RNF150: variants seen among roughly 807,000 people sequenced by gnomAD.
RNF150 encodes the protein ring finger protein 150.
In RNF150, 24 loss-of-function variants were observed where a neutral mutation model predicts 39.3. The ratio of observed to expected loss-of-function variants is 0.61; its 90% CI spans 0.44 to 0.86. RNF150 has a LOEUF of 0.86. Ranked by LOEUF, RNF150 falls within the 40% of genes least tolerant of loss-of-function variation. The pLI is 0.00. For missense variants in RNF150, 502 were observed against 587.8 expected (o/e 0.85, Z 1.51); for synonymous variants, 255 against 227.3 (o/e 1.12, Z -1.10).
intron 1 of RNF150, among the ~76,000 whole-genome samples, chr4:141,186,646 C>G (rs1728018245): frequency 6.6e-6 from 1 of 151,982 alleles, no homozygotes; most frequent in South Asian, 2.1e-4. Context: ...ACCTAGTGAT[C>G]CACCTGCCTC....
intron 1 of RNF150, among the ~76,000 whole-genome samples, chr4:141,004,283 A>G (rs945756722): frequency 1.2e-4 from 19 of 152,082 alleles, no homozygotes; most frequent in African/African-American, 4.1e-4. Flanking sequence ...TGAGACAACT[A>G]ACAAGAAGGA....
intron 1 of RNF150, among the ~76,000 whole-genome samples, chr4:141,099,837 G>A (rs922002318): frequency 2.7e-4 from 41 of 151,700 alleles, no homozygotes; most frequent in Admixed American, 1.4e-3. Context: ...ATACAGTATT[G>A]AGCCATACAG....
intron 1 of RNF150, among the ~76,000 whole-genome samples, chr4:141,207,339 T>A (rs1318606335): frequency 6.6e-6 from 1 of 152,090 alleles, no homozygotes; most frequent in African/African-American, 2.4e-5. Flanking sequence ...TCTCTCTGGC[T>A]GGAATTAGAG....
chr4:140,993,778 C>G (rs1303972713), intron 1 of RNF150, among the ~76,000 whole-genome samples: 1 of 152,190 alleles, frequency 6.6e-6, no homozygotes, highest in Non-Finnish European at 1.5e-5. Context: ...TTTCCCCTCA[C>G]TCTACCTTCA....
At chr4:141,104,279 C>T (rs185879193) in intron 1 of RNF150, among the ~76,000 whole-genome samples, 2 of 152,282 alleles carry the variant, frequency 1.3e-5, no homozygotes, top group African/African-American at 4.8e-5. Context: ...ATCCCTACAT[C>T]GTGGGTGTCA....
intron 1 of RNF150, among the ~76,000 whole-genome samples, chr4:141,130,128 A>G (rs1486544236): frequency 6.6e-6 from 1 of 152,248 alleles, no homozygotes; most frequent in African/African-American, 2.4e-5. Flanking sequence ...AAAGCTTTCA[A>G]GATCTGGACT....
chr4:140,970,952 T>C (rs1733440681), intron 1 of RNF150, among the ~76,000 whole-genome samples: 1 of 152,102 alleles, frequency 6.6e-6, no homozygotes. Context: ...TGGTGAAAAG[T>C]GATACTAGGG....
intron 1 of RNF150, among the ~76,000 whole-genome samples, chr4:140,986,457 T>C (rs1478915059): frequency 6.6e-6 from 1 of 152,074 alleles, no homozygotes; most frequent in African/African-American, 2.4e-5. Context: ...TAAAATAAAC[T>C]TTCCATCATT....
At chr4:140,966,931 G>T (rs1055691664) in intron 2 of RNF150, among the ~76,000 whole-genome samples, 1 of 152,172 alleles carries the variant, frequency 6.6e-6, no homozygotes, top group African/African-American at 2.4e-5. Flanking sequence ...TGGTTAAATA[G>T]ACGTGACACA....
intron 4 of RNF150, among the ~76,000 whole-genome samples, chr4:140,926,293 T>A (rs1348754349): frequency 6.6e-6 from 1 of 152,202 alleles, no homozygotes; most frequent in African/African-American, 2.4e-5. Context: ...TAATTTGCAA[T>A]GGAGTTTTCC....
At chr4:140,987,720 A>G (rs1734059967) in intron 1 of RNF150, among the ~76,000 whole-genome samples, 1 of 152,188 alleles carries the variant, frequency 6.6e-6, no homozygotes, top group East Asian at 1.9e-4. Context: ...ATTTATGACT[A>G]AGTCTTCAAA....
chr4:141,209,086 C>A (rs771514269), intron 1 of RNF150, among the ~76,000 whole-genome samples: 1 of 151,914 alleles, frequency 6.6e-6, no homozygotes, highest in African/African-American at 2.4e-5. Context: ...TTGCTCACTG[C>A]AAATATAAAT....
intron 6 of RNF150, among the ~76,000 whole-genome samples, chr4:140,873,105 G>C (rs1729011018): frequency 6.6e-6 from 1 of 152,138 alleles, no homozygotes; most frequent in Non-Finnish European, 1.5e-5. Flanking sequence ...ACAATGTTTT[G>C]TTTTGTTTCA....
At chr4:141,158,642 C>T (rs931037500) in intron 1 of RNF150, among the ~76,000 whole-genome samples, 2 of 152,148 alleles carry the variant, frequency 1.3e-5, no homozygotes, top group African/African-American at 4.8e-5. Flanking sequence ...TTTTCTGTGA[C>T]ATTTCTGCTC....
At chr4:141,196,581 G>A (rs939902883) in intron 1 of RNF150, among the ~76,000 whole-genome samples, 1 of 152,182 alleles carries the variant, frequency 6.6e-6, no homozygotes, top group Non-Finnish European at 1.5e-5. Flanking sequence ...AAGTCAGGAA[G>A]GCTTTTGGTA....
chr4:140,885,106 CCAAA>C (rs1457277371), intron 6 of RNF150, among the ~76,000 whole-genome samples: 2 of 152,108 alleles, frequency 1.3e-5, no homozygotes, highest in East Asian at 1.9e-4. Flanking sequence ...CCTGTCACTT[CCAAA>C]CAGTTTTTTT....
intron 1 of RNF150, among the ~76,000 whole-genome samples, chr4:141,097,535 G>A (rs1166529676): frequency 1.3e-5 from 2 of 151,256 alleles, no homozygotes; most frequent in African/African-American, 2.4e-5. Context: ...AATAATGGTG[G>A]GCCTTAAAAT....
chr4:140,950,727 C>T (rs1042956700), intron 2 of RNF150, among the ~76,000 whole-genome samples: 9 of 152,204 alleles, frequency 5.9e-5, no homozygotes, highest in Non-Finnish European at 1.3e-4. Flanking sequence ...TAAGTATTTA[C>T]CACGTGGCAC....
At chr4:141,110,165 C>G (rs999901570) in intron 1 of RNF150, among the ~76,000 whole-genome samples, 4 of 152,172 alleles carry the variant, frequency 2.6e-5, no homozygotes, top group African/African-American at 9.7e-5. Context: ...TGCAGGGGAA[C>G]ACTGCCTCAG....
Sources: allele counts gnomAD v4.1 joint callset (sites outside exome capture counted in the v4.1 genomes callset), GRCh38; gene constraint gnomAD v4.1.1; transcripts MANE v1.5; gene names NCBI Gene and HGNC (gene_info 2026-07-23, HGNC 2026-07-21).